The following DENND4A variants were observed in gnomAD, a reference collection of about 807,000 sequenced individuals.
DENND4A encodes the protein C-myc promoter-binding protein.
A neutral mutation model predicts 199.3 loss-of-function variants in DENND4A; 70 were observed. The observed-to-expected ratio is 0.35, with a 90% confidence interval of 0.29 to 0.43. DENND4A has a LOEUF of 0.43. DENND4A is among the 20% of genes least tolerant of loss of function. DENND4A has a pLI of 1.00. For synonymous variants in DENND4A, 686 were observed against 766.9 expected (o/e 0.89, Z 1.74); for missense variants, 1,723 against 2,255.8 (o/e 0.76, Z 4.78).
intron 4 of DENND4A, among the ~76,000 whole-genome samples, chr15:65,747,935 G>A (rs1415288331): frequency 6.6e-6 from 1 of 150,584 alleles, no homozygotes; most frequent in African/African-American, 2.4e-5. Flanking sequence ...AGCTACTCAG[G>A]AGGCTGAGGC....
rs139132750 is a variant in DENND4A, at chr15:65,669,467, C to T, written c.4787+312G>A. 3.3e-3 allele frequency among the ~76,000 whole-genome samples: 506 copies of T among 151,952 alleles called. 5 individuals are homozygous for T. Among genetic ancestry groups the T allele is most frequent in the African/African-American group, 0.011 (476 of 41,462 alleles). On this transcript the variant is annotated intron_variant, in intron 27 of 32. Coordinates refer to ENST00000443035, the MANE Select transcript of DENND4A (RefSeq NM_001320835.1). ...GACTTAATTCCTGAAGAGATAGAGA[C>T]AAGAAAAAAGATAGTCATTATAAAC...
Position 65,745,907 on chromosome 15 carries a change from G to A in DENND4A, c.562-4123C>T, listed in dbSNP as rs182976941. Reference sequence around the variant, plus strand: ...CCAGCACTTTGGAAGGCCGAGGTGGGCGGATCACCTGAGGCCAGGAGTTTG... The same window carrying A: ...CCAGCACTTTGGAAGGCCGAGGTGGACGGATCACCTGAGGCCAGGAGTTTG... On this transcript the variant is annotated intron_variant, in intron 4 of 32. Coordinates refer to ENST00000443035, the MANE Select transcript of DENND4A (RefSeq NM_001320835.1). Among the ~76,000 whole-genome samples the A allele has an allele frequency of 1.4e-3, 210 of 152,064 alleles. 1 individual carries two copies. The highest frequency in any genetic ancestry group is 6.8e-3 in the Middle Eastern group (2 of 294).
In DENND4A at chr15:65,690,888, T is replaced by C; in HGVS notation, c.3706A>G (p.Ser1236Gly). Residue 1236 changes from serine (S) to glycine (G), a missense_variant, in exon 23 of 33, where the codon AGC (serine) becomes GGC (glycine). By Grantham distance (56) the Ser-to-Gly change is moderately conservative. Coordinates refer to ENST00000443035, the MANE Select transcript of DENND4A (RefSeq NM_001320835.1). Reference protein sequence around the residue: ...KEEEEEDEDDSKSISTPSARR... With the variant: ...KEEEEEDEDDGKSISTPSARR... ...GCAGATGGTGTTGAAATGCTTTTGCTATCATCTTCATCCTCCTCCTCTTCT... is the reference window on the plus strand; with the variant it reads ...GCAGATGGTGTTGAAATGCTTTTGCCATCATCTTCATCCTCCTCCTCTTCT... The C allele has an allele frequency of 6.2e-7, 1 of 1,610,338 alleles. No homozygotes were observed. Among genetic ancestry groups the C allele is most frequent in the South Asian group, 1.1e-5 (1 of 90,624 alleles).
At chr15:65,770,329 G>A (rs544372579) in intron 1 of DENND4A, among the ~76,000 whole-genome samples, 10 of 151,894 alleles carry the variant, frequency 6.6e-5, no homozygotes, top group Non-Finnish European at 1.3e-4. Context: ...ATAAATTTTG[G>A]CAGCCCTTCA....
chr15:65,663,191 TA>T (rs1202609418), intron 32 of DENND4A, among the ~76,000 whole-genome samples: 488 of 124,854 alleles, frequency 3.9e-3, no homozygotes, highest in African/African-American at 0.016. Context: ...TATATATATA[TA>T]TATATATTTT....
chr15:65,749,164 T>A (rs2076494611), intron 4 of DENND4A, among the ~76,000 whole-genome samples: 1 of 151,396 alleles, frequency 6.6e-6, no homozygotes, highest in African/African-American at 2.4e-5. Context: ...AAAATCTTAA[T>A]AGTAAATATG....
At chr15:65,731,564 T>G in intron 9 of DENND4A, 78 bp downstream of exon 9, 1 of 1,128,192 alleles carries the variant, frequency 8.9e-7, no homozygotes, top group Non-Finnish European at 1.3e-6. Flanking sequence ...ATATTTGAAA[T>G]TTTAGCTAGG....
intron 1 of DENND4A, chr15:65,771,852 A>G (rs1037825340): frequency 4.3e-6 from 7 of 1,612,346 alleles, no homozygotes; most frequent in Non-Finnish European, 5.9e-6. Flanking sequence ...CAGCATAAGC[A>G]TTCCCAACCT....
chr15:65,767,424 G>A (rs534862651), intron 1 of DENND4A: 2 of 152,144 alleles, frequency 1.3e-5, no homozygotes, highest in African/African-American at 4.8e-5. Flanking sequence ...ATAGTATATG[G>A]TGAATATCTG....
At chr15:65,739,772 T>G (rs2140461413) in intron 5 of DENND4A, among the ~76,000 whole-genome samples, 1 of 152,350 alleles carries the variant, frequency 6.6e-6, no homozygotes, top group Non-Finnish European at 1.5e-5. Context: ...AGTTCTAAAA[T>G]TATTTAATTA....
chr15:65,790,348 G>A (rs142092807), intron 1 of DENND4A, among the ~76,000 whole-genome samples: 355 of 152,284 alleles, frequency 2.3e-3, no homozygotes, highest in African/African-American at 8.3e-3. Flanking sequence ...GTGTATATAA[G>A]TTTAAAACTT....
chr15:65,749,046 G>A lies in DENND4A; in HGVS notation c.561+3333C>T, dbSNP rs554466241. 2.7e-5 allele frequency among the ~76,000 whole-genome samples: 4 copies of A among 148,186 alleles called. No individual in the cohort carries two copies. The South Asian group carries it at 8.5e-4, about 32-fold the overall frequency. On this transcript the variant is annotated intron_variant, in intron 4 of 32. Transcript: ENST00000443035. ...CAATTGTTTCTTCAGAGTAGCTGCA[G>A]TAGAAAAAAAGAAAAAAGAGACCCA... is the stretch of plus-strand genomic sequence containing the variant.
At chr15:65,720,947 T>TATTTATATATATATATA (rs1555425654) in intron 12 of DENND4A, among the ~76,000 whole-genome samples, 1 of 76,234 alleles carries the variant, frequency 1.3e-5, no homozygotes, top group South Asian at 3.9e-4. Flanking sequence ...GTTTCATTGA[T>TATTTATATATATATATA]TATATATATA....
chr15:65,669,970 A>C, intron 26 of DENND4A, 43 bp downstream of exon 26: 2 of 1,608,996 alleles, frequency 1.2e-6, no homozygotes, highest in Admixed American at 1.7e-5. Context: ...GAGATATTAT[A>C]GGGAACATGA....
chr15:65,711,713 T>TGA (rs2075256759), intron 14 of DENND4A, among the ~76,000 whole-genome samples: 1 of 152,258 alleles, frequency 6.6e-6, no homozygotes, highest in Admixed American at 6.5e-5. Context: ...CATTAAACTT[T>TGA]GTACATCAAT....
intron 4 of DENND4A, among the ~76,000 whole-genome samples, chr15:65,742,996 T>C (rs990754922): frequency 6.6e-6 from 1 of 152,204 alleles, no homozygotes; most frequent in Non-Finnish European, 1.5e-5. Context: ...AAGTGTAATG[T>C]CATTGATAAT....
intron 23 of DENND4A, among the ~76,000 whole-genome samples, chr15:65,688,980 T>A (rs1188240871): frequency 6.6e-6 from 1 of 152,228 alleles, no homozygotes; most frequent in Non-Finnish European, 1.5e-5. Flanking sequence ...CTAAAGAATA[T>A]TTTTGTTGAG....
chr15:65,683,839 A>T (rs1489753556), intron 23 of DENND4A, among the ~76,000 whole-genome samples: 1 of 152,192 alleles, frequency 6.6e-6, no homozygotes, highest in Non-Finnish European at 1.5e-5. Flanking sequence ...ATTTTAGAAA[A>T]TCTTTACCAC....
intron 1 of DENND4A, among the ~76,000 whole-genome samples, chr15:65,779,898 T>G (rs1369470449): frequency 6.6e-6 from 1 of 151,718 alleles, no homozygotes; most frequent in Non-Finnish European, 1.5e-5. Context: ...GTCTGGACTT[T>G]ATTTATTTAT....
Sources: gnomAD v4.1 joint callset for allele counts (sites outside exome capture counted in the v4.1 genomes callset) on GRCh38, gnomAD v4.1.1 for gene constraint, MANE v1.5 for transcripts, NCBI Gene and HGNC (gene_info 2026-07-23, HGNC 2026-07-21) for gene names.